HIKESHI: variants seen among roughly 807,000 people sequenced by gnomAD.
The protein encoded by HIKESHI is heat shock protein nuclear import factor hikeshi.
In HIKESHI, 13 loss-of-function variants were observed where a neutral mutation model predicts 25.7. The observed-to-expected ratio is 0.51, with a 90% CI of 0.33 to 0.80. The LOEUF is 0.80. HIKESHI is among the 30% of genes least tolerant of loss of function. HIKESHI has a pLI of 0.02. For missense variants in HIKESHI, 174 were observed against 229.5 expected, an observed-to-expected ratio of 0.76 and a Z score of 1.56; for synonymous variants, 76 against 78.7, an observed-to-expected ratio of 0.97 and a Z score of 0.18.
At chr11:86,341,488 C>CA (rs1723314042) in intron 3 of HIKESHI, among the ~76,000 whole-genome samples, 1 of 142,810 alleles carries the variant, frequency 7.0e-6, no homozygotes, top group South Asian at 2.2e-4. Flanking sequence ...TGGAATTCTC[C>CA]TTTTTTTTTT....
chr11:86,334,733 C>T (rs537746215), intron 2 of HIKESHI, among the ~76,000 whole-genome samples: 1 of 152,118 alleles, frequency 6.6e-6, no homozygotes, highest in East Asian at 1.9e-4. Flanking sequence ...ACTGTAGTCT[C>T]GATCTCCTAG....
chr11:86,322,401 A>G (rs945399705), intron 2 of HIKESHI, among the ~76,000 whole-genome samples: 10 of 151,834 alleles, frequency 6.6e-5, no homozygotes, highest in Non-Finnish European at 1.2e-4. Flanking sequence ...TAAGAGTTCT[A>G]TATGTGTGTG....
At chr11:86,305,808 T>TCAG (rs1380342395) in intron 1 of HIKESHI, among the ~76,000 whole-genome samples, 4 of 152,102 alleles carry the variant, frequency 2.6e-5, no homozygotes, top group Non-Finnish European at 1.5e-5. Context: ...TGGTATGGTC[T>TCAG]CAGCTCACTG....
chr11:86,319,237 TA>T (rs1387493395), intron 2 of HIKESHI, among the ~76,000 whole-genome samples: 43 of 95,848 alleles, frequency 4.5e-4, no homozygotes, highest in East Asian at 1.2e-3. Context: ...TATATATATA[TA>T]TATATTTTTT....
At chr11:86,337,321 G>A in intron 2 of HIKESHI, 58 bp from the exon 3 acceptor site, 1 of 1,500,872 alleles carries the variant, frequency 6.7e-7, no homozygotes, top group Non-Finnish European at 9.0e-7. Context: ...ATTTACAAAG[G>A]AAATTGTGTG....
At chr11:86,334,158 GTACT>G (rs1565739165) in intron 2 of HIKESHI, among the ~76,000 whole-genome samples, 1 of 151,970 alleles carries the variant, frequency 6.6e-6, no homozygotes, top group South Asian at 2.1e-4. Flanking sequence ...TGGATTTGCT[GTACT>G]TAAATACTTA....
intron 2 of HIKESHI, among the ~76,000 whole-genome samples, chr11:86,312,022 A>G (rs1946847566): frequency 6.6e-6 from 1 of 152,194 alleles, no homozygotes; most frequent in Non-Finnish European, 1.5e-5. Flanking sequence ...GGTGCTGAGA[A>G]GAATGTATAT....
chr11:86,315,540 C>T (rs892144316), intron 2 of HIKESHI, among the ~76,000 whole-genome samples: 2 of 152,080 alleles, frequency 1.3e-5, no homozygotes, highest in Non-Finnish European at 2.9e-5. Flanking sequence ...AGGCTGGTCT[C>T]GAACTCCTGA....
intron 2 of HIKESHI, among the ~76,000 whole-genome samples, chr11:86,315,917 T>C (rs1208926759): frequency 1.3e-5 from 2 of 152,068 alleles, no homozygotes; most frequent in East Asian, 1.9e-4. Context: ...TTACTGTTTT[T>C]TGAGGTCCGG....
At chr11:86,304,129 AT>A (rs1946560672) in intron 1 of HIKESHI, among the ~76,000 whole-genome samples, 1 of 152,200 alleles carries the variant, frequency 6.6e-6, no homozygotes, top group East Asian at 1.9e-4. Flanking sequence ...GGGAATCAGA[AT>A]TTGACTTTAG....
intron 2 of HIKESHI, among the ~76,000 whole-genome samples, chr11:86,331,260 C>T (rs192544689): frequency 2.6e-5 from 4 of 152,180 alleles, no homozygotes; most frequent in South Asian, 2.1e-4. Flanking sequence ...GAGGCCGAGG[C>T]GGGCGCATCT....
Position 86,319,202 on chromosome 11 carries a change from T to C in HIKESHI, c.268+12720T>C, listed in dbSNP as rs573336117. 1.2e-4 allele frequency among the ~76,000 whole-genome samples: 17 copies of C among 146,744 alleles called. No homozygotes were observed. In the South Asian group the frequency reaches 3.7e-3, roughly 32 times the overall value. ...TGCTGGGATTATAGGCATGAGCTAC[T>C]GTGCCTGGCTTAAAAATATATATAT... On this transcript the variant is annotated intron_variant, in intron 2 of 4. Coordinates refer to ENST00000278483, the MANE Select transcript of HIKESHI (RefSeq NM_016401.4).
chr11:86,307,994 T>A (rs1946706042), intron 2 of HIKESHI, among the ~76,000 whole-genome samples: 2 of 123,826 alleles, frequency 1.6e-5, no homozygotes, highest in African/African-American at 6.5e-5. Context: ...ATATTATATA[T>A]AAAATGTATA....
rs1364106343 is a variant in HIKESHI at position 86,333,975 on chromosome 11, T to G, written c.269-3404T>G. Among the ~76,000 whole-genome samples, 15 of 152,220 alleles carry G rather than the reference T, an allele frequency of 9.9e-5. 1 individual carries two copies. Among genetic ancestry groups the G allele is most frequent in the Admixed American group, 9.8e-4 (15 of 15,274 alleles). ...CCAAAAAAAGAACAAGATACAACCATAAGCTATAACTTTATTAATAGATAT... is the reference window on the plus strand; with the variant it reads ...CCAAAAAAAGAACAAGATACAACCAGAAGCTATAACTTTATTAATAGATAT... On this transcript the variant is annotated intron_variant, in intron 2 of 4. Transcript: ENST00000278483.
At chr11:86,318,651 A>G (rs1947063114) in intron 2 of HIKESHI, among the ~76,000 whole-genome samples, 1 of 152,150 alleles carries the variant, frequency 6.6e-6, no homozygotes, top group Admixed American at 6.6e-5. Flanking sequence ...AAGTTATTTA[A>G]AAAATTTTTA....
Position 86,307,012 on chromosome 11 carries a change from AAT to A in HIKESHI, c.268+546_268+547del, listed in dbSNP as rs1197125983. On this transcript the variant is annotated intron_variant, in intron 2 of 4. Transcript: ENST00000278483. ...GAGACTCTGTCTCAAAGAAAAAAAA[AAT>A]ATATATATATATATAAATATATATA... Among the ~76,000 whole-genome samples the A allele has an allele frequency of 7.7e-3, 1,001 of 129,414 alleles. 61 individuals are homozygous for A. The highest frequency in any genetic ancestry group is 0.024 in the African/African-American group (825 of 34,472). 84.9% of individuals were successfully genotyped at this position (129,414 alleles called of 152,430 possible).
At chr11:86,324,312 A>G (rs1947221128) in intron 2 of HIKESHI, 3 of 152,322 alleles carry the variant, frequency 2.0e-5, no homozygotes, top group East Asian at 3.9e-4. Flanking sequence ...TGTTTGGCCC[A>G]TTGGCTTTTT....
At chr11:86,328,260 C>A (rs1356530716) in intron 2 of HIKESHI, among the ~76,000 whole-genome samples, 3 of 151,316 alleles carry the variant, frequency 2.0e-5, no homozygotes, top group Admixed American at 1.3e-4. Context: ...ATTTACATTT[C>A]TTTTCTTTTT....
chr11:86,331,898 T>C (rs1347896445), intron 2 of HIKESHI, among the ~76,000 whole-genome samples: 1 of 152,144 alleles, frequency 6.6e-6, no homozygotes, highest in Non-Finnish European at 1.5e-5. Flanking sequence ...TTAAGTTGTT[T>C]CTGTGTAGTT....
Sources: gnomAD v4.1 joint callset for allele counts (sites outside exome capture counted in the v4.1 genomes callset) on GRCh38, gnomAD v4.1.1 for gene constraint, MANE v1.5 for transcripts, NCBI Gene and HGNC (gene_info 2026-07-23, HGNC 2026-07-21) for gene names.